Variants in RARB observed in about 807,000 individuals in gnomAD.
RARB encodes the protein HBV-activated protein.
In RARB, 17 loss-of-function variants were observed where a neutral mutation model predicts 51.9. The observed-to-expected ratio is 0.33, with a 90% confidence interval of 0.22 to 0.49. The LOEUF (loss-of-function observed/expected upper bound fraction) is 0.49, where lower values mean the gene tolerates loss of function less well. Ranked by LOEUF, RARB falls within the 20% of genes least tolerant of loss-of-function variation. The probability of loss-of-function intolerance (pLI) is 0.99; values close to 1 mark genes in which losing one functional copy is unlikely to be tolerated. For synonymous variants in RARB, 215 were observed against 195.4 expected (o/e 1.10, Z -0.84); for missense variants, 369 against 550.8 (o/e 0.67, Z 3.30).
chr3:24,918,610 C>T (rs1288839913), intron 2 of RARB, among the ~76,000 whole-genome samples: 2 of 152,186 alleles, frequency 1.3e-5, no homozygotes, highest in Non-Finnish European at 2.9e-5. Flanking sequence ...GGGCTGGGCA[C>T]AGTGGCTCGC....
chr3:25,210,208 T>A (rs1463069500), intron 5 of RARB, among the ~76,000 whole-genome samples: 1 of 152,190 alleles, frequency 6.6e-6, no homozygotes, highest in African/African-American at 2.4e-5. Context: ...CTGTCCGTTA[T>A]GGTCTACACT....
chr3:25,444,904 G>C (rs1418807491), intron 1 of RARB, among the ~76,000 whole-genome samples: 1 of 152,122 alleles, frequency 6.6e-6, no homozygotes. Context: ...TTAGAGACCA[G>C]TGTTACCATA....
chr3:25,082,528 T>C (rs949855375), intron 3 of RARB, among the ~76,000 whole-genome samples: 2 of 152,148 alleles, frequency 1.3e-5, no homozygotes, highest in African/African-American at 4.8e-5. Flanking sequence ...CCAAGTATAA[T>C]GGTAAAACCT....
intron 5 of RARB, among the ~76,000 whole-genome samples, chr3:25,202,832 G>A (rs1211099748): frequency 6.6e-6 from 1 of 152,160 alleles, no homozygotes; most frequent in African/African-American, 2.4e-5. Context: ...TTTTACTTTT[G>A]CTGAGGAGTG....
chr3:25,437,361 G>A (rs1039502938), intron 1 of RARB, among the ~76,000 whole-genome samples: 4 of 152,084 alleles, frequency 2.6e-5, no homozygotes. Context: ...TGCTGTCGTG[G>A]CACAGTACAT....
intron 2 of RARB, among the ~76,000 whole-genome samples, chr3:24,963,414 ATCC>A: frequency 7.4e-6 from 1 of 134,376 alleles, no homozygotes; most frequent in South Asian, 2.8e-4. Flanking sequence ...ATGGCTTCCC[ATCC>A]TTGTTGTCAC....
chr3:25,267,152 C>T (rs1381785668), intron 5 of RARB, among the ~76,000 whole-genome samples: 1 of 152,124 alleles, frequency 6.6e-6, no homozygotes, highest in Non-Finnish European at 1.5e-5. Flanking sequence ...CAGATTGTAC[C>T]GAGTGTTCTA....
At chr3:25,349,516 C>A (rs895004967) in intron 5 of RARB, among the ~76,000 whole-genome samples, 4 of 152,136 alleles carry the variant, frequency 2.6e-5, no homozygotes, top group Non-Finnish European at 4.4e-5. Flanking sequence ...TCAGCAGAAA[C>A]ATATTGTCCT....
At chr3:24,917,864 C>A (rs1253008289) in intron 2 of RARB, among the ~76,000 whole-genome samples, 1 of 152,204 alleles carries the variant, frequency 6.6e-6, no homozygotes, top group African/African-American at 2.4e-5. Flanking sequence ...CAGTCTACTT[C>A]ACACCCACTA....
chr3:24,871,818 A>G (rs1458423497), intron 2 of RARB, among the ~76,000 whole-genome samples: 1 of 152,200 alleles, frequency 6.6e-6, no homozygotes, highest in Non-Finnish European at 1.5e-5. Context: ...TAATCAGAAC[A>G]AAACCTTGGG....
At chr3:25,159,154 C>CTTTTTTT (rs397874262) in intron 4 of RARB, among the ~76,000 whole-genome samples, 2 of 65,304 alleles carry the variant, frequency 3.1e-5, no homozygotes, top group Non-Finnish European at 2.8e-5. Flanking sequence ...TCCAAATTGT[C>CTTTTTTT]TTTTTTTTTT....
chr3:24,836,342 A>G (rs1182160432), intron 1 of RARB, among the ~76,000 whole-genome samples: 1 of 152,158 alleles, frequency 6.6e-6, no homozygotes, highest in Non-Finnish European at 1.5e-5. Flanking sequence ...TGTGTCTTTT[A>G]AGAGTTTCAA....
At chr3:25,398,711 G>A (rs1486100003) in intron 5 of RARB, among the ~76,000 whole-genome samples, 1 of 152,068 alleles carries the variant, frequency 6.6e-6, no homozygotes, top group Non-Finnish European at 1.5e-5. Context: ...TTTTAGAAGT[G>A]ATATCCTAAA....
chr3:25,502,505 C>G (rs959333640), intron 3 of RARB, among the ~76,000 whole-genome samples: 17 of 152,126 alleles, frequency 1.1e-4, no homozygotes, highest in African/African-American at 4.1e-4. Flanking sequence ...TAACTGTACT[C>G]CTGCCCCTTC....
intron 5 of RARB, among the ~76,000 whole-genome samples, chr3:25,370,302 A>G (rs1245144591): frequency 1.3e-5 from 2 of 152,220 alleles, no homozygotes; most frequent in Non-Finnish European, 2.9e-5. Context: ...TCGTCAAAAT[A>G]CAATAGCATA....
At chr3:25,557,472 C>T (rs1700108091) in intron 3 of RARB, among the ~76,000 whole-genome samples, 1 of 152,178 alleles carries the variant, frequency 6.6e-6, no homozygotes, top group African/African-American at 2.4e-5. Flanking sequence ...ACATAAAGCA[C>T]ACACTGGATA....
intron 2 of RARB, among the ~76,000 whole-genome samples, chr3:24,911,534 C>G (rs4858663): frequency 0.049 from 7,445 of 152,070 alleles, 367 homozygotes; most frequent in East Asian, 0.16. Flanking sequence ...CAAACAGTTA[C>G]CCAGTTTTTA....
At chr3:25,079,023 A>G (rs558329784) in intron 3 of RARB, among the ~76,000 whole-genome samples, 142 of 151,818 alleles carry the variant, frequency 9.4e-4, no homozygotes, top group African/African-American at 3.0e-3. Context: ...AGCCATGAAC[A>G]TGGTATATCT....
intron 3 of RARB, among the ~76,000 whole-genome samples, chr3:25,067,015 G>T (rs1367601638): frequency 2.0e-5 from 3 of 152,144 alleles, no homozygotes; most frequent in Non-Finnish European, 4.4e-5. Context: ...ACTACTACAT[G>T]CTGGATACCA....
Sources: gnomAD v4.1 joint callset for allele counts (sites outside exome capture counted in the v4.1 genomes callset) on GRCh38, gnomAD v4.1.1 for gene constraint, MANE v1.5 for transcripts, NCBI Gene and HGNC (gene_info 2026-07-23, HGNC 2026-07-21) for gene names.